SH2D4B: variants seen among roughly 807,000 people sequenced by gnomAD.
SH2D4B encodes SH2 domain containing 4B.
SH2D4B carries 45 observed loss-of-function variants against 61.5 expected under a neutral mutation model. That is an observed-to-expected ratio of 0.73 (90% CI 0.58 to 0.94). The LOEUF (loss-of-function observed/expected upper bound fraction) is 0.94, where lower values mean the gene tolerates loss of function less well. SH2D4B is among the 40% of genes least tolerant of loss of function. The pLI, the probability that SH2D4B is intolerant of heterozygous loss-of-function variation, is 0.00. For synonymous variants in SH2D4B, 224 were observed against 220.4 expected (o/e 1.02, Z -0.14); for missense variants, 572 against 574.2 (o/e 1.00, Z 0.04).
Position 80,594,424 on chromosome 10 carries a change from A to G in SH2D4B, c.643+5647A>G, listed in dbSNP as rs1218359264. ...TGAGGATTTTGCATCTGTATTCATAAGAGATATTGGTCTGCAGTTTTATTT... is the reference window on the plus strand; with the variant it reads ...TGAGGATTTTGCATCTGTATTCATAGGAGATATTGGTCTGCAGTTTTATTT... On this transcript the variant is annotated intron_variant, in intron 4 of 7. Transcript: ENST00000646907. 2.6e-5 allele frequency among the ~76,000 whole-genome samples: 4 copies of G among 152,194 alleles called. No homozygotes were observed. The South Asian group carries it at 8.3e-4, about 32-fold the overall frequency.
At chr10:80,559,783 A>G (rs934213818) in intron 1 of SH2D4B, among the ~76,000 whole-genome samples, 23 of 149,640 alleles carry the variant, frequency 1.5e-4, no homozygotes, top group African/African-American at 5.2e-4. Flanking sequence ...AACTACACGC[A>G]TGCACCACCA....
intron 1 of SH2D4B, among the ~76,000 whole-genome samples, chr10:80,549,834 G>A (rs1248566859): frequency 3.9e-5 from 6 of 152,214 alleles, no homozygotes; most frequent in Admixed American, 6.5e-5. Context: ...AGAGGAGCCA[G>A]AGCAGAGGCT....
Position 80,644,281 on chromosome 10 carries a change from G to T in SH2D4B, c.*196G>T. On this transcript the variant is annotated 3_prime_UTR_variant, in exon 8 of 8. Transcript: ENST00000646907. Reference sequence around the variant, plus strand: ...CATCCCAGCGATCGGGACAGAAATTGCTAATAGCTCATGCAACTCTTTCAT... The same window carrying T: ...CATCCCAGCGATCGGGACAGAAATTTCTAATAGCTCATGCAACTCTTTCAT... The T allele has an allele frequency of 1.8e-6, 1 of 547,386 alleles. No individual in the cohort carries two copies. Among genetic ancestry groups the T allele is most frequent in the Non-Finnish European group, 3.2e-6 (1 of 308,692 alleles). The allele number at this position is 547,386 out of a possible 1,614,324, so 33.9% of individuals were successfully genotyped here.
intron 6 of SH2D4B, among the ~76,000 whole-genome samples, chr10:80,621,119 C>T (rs1842714429): frequency 6.6e-6 from 1 of 152,094 alleles, no homozygotes; most frequent in Non-Finnish European, 1.5e-5. Context: ...GGTCTATGTC[C>T]ATGTAAGTGG....
chr10:80,632,656 C>T lies in SH2D4B; in HGVS notation c.989-1629C>T, dbSNP rs142662948. On this transcript the variant is annotated intron_variant, in intron 6 of 7. Coordinates refer to ENST00000646907, the MANE Select transcript of SH2D4B (RefSeq NM_001388272.1). ...CTCCCTGCTGCAGCCTCTTTTAGGG[C>T]CCGGGTGTTCTGGTGTTGGGGCAGG... 5.4e-3 allele frequency among the ~76,000 whole-genome samples: 818 copies of T among 152,052 alleles called. 4 individuals are homozygous for T. Among genetic ancestry groups the T allele is most frequent in the African/African-American group, 0.019 (774 of 41,446 alleles).
At chr10:80,617,384 A>G (rs1842672413) in intron 6 of SH2D4B, among the ~76,000 whole-genome samples, 1 of 152,210 alleles carries the variant, frequency 6.6e-6, no homozygotes, top group African/African-American at 2.4e-5. Flanking sequence ...CTGGGTTCCC[A>G]TATAGTCTGC....
chr10:80,640,043 A>G (rs1157232657), intron 7 of SH2D4B, among the ~76,000 whole-genome samples: 3 of 152,168 alleles, frequency 2.0e-5, no homozygotes, highest in Non-Finnish European at 2.9e-5. Flanking sequence ...TCCTTCATTT[A>G]TGAAGCTTAG....
chr10:80,546,650 C>T (rs889930540), intron 1 of SH2D4B, among the ~76,000 whole-genome samples: 1 of 151,774 alleles, frequency 6.6e-6, no homozygotes, highest in East Asian at 1.9e-4. Flanking sequence ...CTCAGCCTCC[C>T]GAGTAGCTGG....
At chr10:80,547,518 C>T (rs993370443) in intron 1 of SH2D4B, among the ~76,000 whole-genome samples, 1 of 152,122 alleles carries the variant, frequency 6.6e-6, no homozygotes, top group South Asian at 2.1e-4. Context: ...TTGTTCACAA[C>T]CCCTTTCCTG....
At chr10:80,594,456 A>G (rs1388051954) in intron 4 of SH2D4B, among the ~76,000 whole-genome samples, 1 of 151,958 alleles carries the variant, frequency 6.6e-6, no homozygotes, top group African/African-American at 2.4e-5. Context: ...ATTTTCTTTG[A>G]TGTTTTTGTC....
chr10:80,611,603 C>T (rs932879789), intron 6 of SH2D4B, among the ~76,000 whole-genome samples: 7 of 152,270 alleles, frequency 4.6e-5, no homozygotes, highest in Admixed American at 3.3e-4. Flanking sequence ...GCTTTTTCTT[C>T]AGACGTTACT....
intron 1 of SH2D4B, among the ~76,000 whole-genome samples, chr10:80,549,792 C>T (rs2132105671): frequency 6.6e-6 from 1 of 152,278 alleles, no homozygotes; most frequent in East Asian, 1.9e-4. Context: ...CTTTCCGAAG[C>T]TGCACAACCT....
chr10:80,564,912 C>T (rs1011526373), intron 1 of SH2D4B, among the ~76,000 whole-genome samples: 15 of 152,190 alleles, frequency 9.9e-5, no homozygotes, highest in African/African-American at 3.4e-4. Context: ...ATTTGCCAAT[C>T]GGGCAGCACT....
Position 80,642,052 on chromosome 10 carries a change from T to C in SH2D4B, c.1210-1941T>C, listed in dbSNP as rs113386246. Among the ~76,000 whole-genome samples the C allele has an allele frequency of 2.5e-4, 38 of 152,362 alleles. 1 individual carries two copies. In the East Asian group the frequency reaches 4.8e-3, roughly 19 times the overall value. On this transcript the variant is annotated intron_variant, in intron 7 of 7. Transcript: ENST00000646907. ...TCCTGAGCAGTAACATAAAAACTTA[T>C]GTATATAAGGAAATATATAGTTTTG... is the stretch of plus-strand genomic sequence containing the variant.
intron 6 of SH2D4B, among the ~76,000 whole-genome samples, chr10:80,632,388 T>C (rs955039503): frequency 3.3e-5 from 5 of 152,308 alleles, no homozygotes; most frequent in African/African-American, 1.2e-4. Flanking sequence ...CATAAATATA[T>C]ATAATTTTTA....
At chr10:80,580,707 G>C (rs1261899706) in intron 3 of SH2D4B, among the ~76,000 whole-genome samples, 1 of 152,196 alleles carries the variant, frequency 6.6e-6, no homozygotes, top group Non-Finnish European at 1.5e-5. Context: ...TCACTTTCTA[G>C]AAAAGGCATT....
chr10:80,617,892 T>C (rs887273355), intron 6 of SH2D4B, among the ~76,000 whole-genome samples: 7 of 152,208 alleles, frequency 4.6e-5, no homozygotes, highest in African/African-American at 1.7e-4. Context: ...ACAGCCCCAG[T>C]ATTAGTCCCA....
intron 6 of SH2D4B, among the ~76,000 whole-genome samples, chr10:80,623,056 A>G (rs916670960): frequency 5.3e-5 from 8 of 152,202 alleles, no homozygotes; most frequent in African/African-American, 1.4e-4. Context: ...CTGGGATTAC[A>G]GGCGTGTGCC....
chr10:80,596,389 C>T (rs1384963801), intron 4 of SH2D4B, among the ~76,000 whole-genome samples: 1 of 152,250 alleles, frequency 6.6e-6, no homozygotes, highest in East Asian at 1.9e-4. Flanking sequence ...GAGCCGAGAA[C>T]AGCCTCATAG....
Sources: gnomAD v4.1 joint callset for allele counts (sites outside exome capture counted in the v4.1 genomes callset) on GRCh38, gnomAD v4.1.1 for gene constraint, MANE v1.5 for transcripts, NCBI Gene and HGNC (gene_info 2026-07-23, HGNC 2026-07-21) for gene names.